The following HOMER1 variants were observed in gnomAD, a reference collection of about 807,000 sequenced individuals.
The protein encoded by HOMER1 is homer scaffold protein 1.
In HOMER1, 3 loss-of-function variants were observed where a neutral mutation model predicts 48.9. The ratio of observed to expected loss-of-function variants is 0.06; its 90% confidence interval spans 0.03 to 0.16. HOMER1 has a LOEUF of 0.16. Among genes scored for constraint, HOMER1 ranks in the 10% least tolerant of loss-of-function variants. HOMER1 has a pLI of 1.00. For missense variants in HOMER1, 247 were observed against 411.4 expected (o/e 0.60, Z 3.46); for synonymous variants, 134 against 146.4 (o/e 0.92, Z 0.61).
chr5:79,433,041 T>C (rs1409621398), intron 5 of HOMER1, among the ~76,000 whole-genome samples: 1 of 152,212 alleles, frequency 6.6e-6, no homozygotes, highest in Non-Finnish European at 1.5e-5. Flanking sequence ...AAGTCACTTC[T>C]TGTGAAACCA....
At chr5:79,510,969 T>C in intron 1 of HOMER1, 1 of 483,914 alleles carries the variant, frequency 2.1e-6, no homozygotes. Context: ...CATGGGGCTG[T>C]GGGGCTGGGG....
rs1349939941 is a variant in HOMER1, at chr5:79,514,068, T to C, written c.-1294A>G. On this transcript the variant is annotated 5_prime_UTR_variant, in exon 1 of 9. Coordinates refer to ENST00000334082, the MANE Select transcript of HOMER1 (RefSeq NM_004272.5). ...CCTCCGCCTCCGCCGGCCGGCCGGC[T>C]GGCAGAGAAGAGGGTGCTGCTTTCC... 6.6e-6 allele frequency: 1 copy of C among 151,908 alleles called. No individual in the cohort carries two copies. Among genetic ancestry groups the C allele is most frequent in the Non-Finnish European group, 1.5e-5 (1 of 67,914 alleles). The allele number at this position is 151,908 out of a possible 1,614,324, so 9.4% of individuals were successfully genotyped here. A position where few individuals can be genotyped will look rare whatever the true frequency, so the allele number is the denominator to read the frequency against.
At chr5:79,421,748 G>C (rs1750106244) in intron 5 of HOMER1, among the ~76,000 whole-genome samples, 2 of 151,936 alleles carry the variant, frequency 1.3e-5, no homozygotes, top group South Asian at 2.1e-4. Context: ...GGGATTACAG[G>C]CACCCGCCAC....
At chr5:79,440,569 A>G (rs1750711343) in intron 4 of HOMER1, among the ~76,000 whole-genome samples, 1 of 152,210 alleles carries the variant, frequency 6.6e-6, no homozygotes, top group African/African-American at 2.4e-5. Flanking sequence ...CACGAATAAA[A>G]TCTACAGTAT....
intron 1 of HOMER1, among the ~76,000 whole-genome samples, chr5:79,503,534 GAAAAAAAAA>G (rs751672080): frequency 1.2e-4 from 2 of 17,330 alleles, no homozygotes; most frequent in African/African-American, 9.5e-4. Flanking sequence ...GTCACAAAGA[GAAAAAAAAA>G]AAAAAAAAAA....
chr5:79,464,433 T>C (rs1267839471), intron 1 of HOMER1, among the ~76,000 whole-genome samples: 2 of 152,192 alleles, frequency 1.3e-5, no homozygotes, highest in Admixed American at 6.5e-5. Flanking sequence ...AAAATGAGAA[T>C]GACAAGGATA....
chr5:79,512,642 C>CT, intron 1 of HOMER1, 128 bp downstream of exon 1: 3 of 858,882 alleles, frequency 3.5e-6, no homozygotes, highest in Non-Finnish European at 5.6e-6. Context: ...ATGCCTATTT[C>CT]TTTAAAGTAT....
intron 1 of HOMER1, among the ~76,000 whole-genome samples, chr5:79,487,574 A>G (rs1473818680): frequency 6.6e-6 from 1 of 152,212 alleles, no homozygotes; most frequent in Non-Finnish European, 1.5e-5. Context: ...AAAGATTGTG[A>G]AAAATTCTAC....
At chr5:79,429,806 G>A (rs983397157) in intron 5 of HOMER1, among the ~76,000 whole-genome samples, 2 of 152,126 alleles carry the variant, frequency 1.3e-5, no homozygotes, top group Admixed American at 1.3e-4. Flanking sequence ...GGTGGATCAC[G>A]AGGTCAGGAG....
At chr5:79,480,708 C>T (rs1751922066) in intron 1 of HOMER1, among the ~76,000 whole-genome samples, 1 of 152,156 alleles carries the variant, frequency 6.6e-6, no homozygotes, top group African/African-American at 2.4e-5. Context: ...AGAATTTTAA[C>T]TTTGCTCATG....
intron 6 of HOMER1, among the ~76,000 whole-genome samples, chr5:79,400,355 C>T (rs1246096274): frequency 5.4e-4 from 77 of 141,398 alleles, no homozygotes; most frequent in African/African-American, 1.9e-3. Context: ...CCTTTTCTTT[C>T]TTTTTTTTTT....
intron 8 of HOMER1, among the ~76,000 whole-genome samples, chr5:79,378,221 T>G: frequency 1.0e-5 from 1 of 97,484 alleles, no homozygotes; most frequent in East Asian, 3.0e-4. Context: ...AGACTCTGTC[T>G]CAAAAAAAAA....
At chr5:79,378,794 T>C (rs1010216110) in intron 8 of HOMER1, among the ~76,000 whole-genome samples, 2 of 151,814 alleles carry the variant, frequency 1.3e-5, no homozygotes, top group South Asian at 2.1e-4. Context: ...ATCAATGCAA[T>C]AGTCAAACAT....
intron 1 of HOMER1, among the ~76,000 whole-genome samples, chr5:79,470,619 A>G (rs1443945181): frequency 6.6e-6 from 1 of 152,126 alleles, no homozygotes; most frequent in African/African-American, 2.4e-5. Context: ...TAAAATTAAA[A>G]CCATGAGTTG....
At chr5:79,430,809 C>T (rs1024691716) in intron 5 of HOMER1, among the ~76,000 whole-genome samples, 3 of 150,520 alleles carry the variant, frequency 2.0e-5, no homozygotes, top group African/African-American at 4.9e-5. Flanking sequence ...TGGTGGCGCA[C>T]GCCTGTAGTC....
intron 1 of HOMER1, among the ~76,000 whole-genome samples, chr5:79,480,835 C>T (rs1024858753): frequency 6.6e-6 from 1 of 152,090 alleles, no homozygotes; most frequent in African/African-American, 2.4e-5. Context: ...GACACAATGG[C>T]AAGTAAAGCA....
rs73122379 is a variant in HOMER1 at position 79,466,747 on chromosome 5, C to T, written c.6-9729G>A. Among the ~76,000 whole-genome samples, 678 of 150,814 alleles carry T rather than the reference C, an allele frequency of 4.5e-3. 3 individuals carry two copies. The highest frequency in any genetic ancestry group is 0.016 in the African/African-American group (630 of 40,460). On this transcript the variant is annotated intron_variant, in intron 1 of 8. Transcript: ENST00000334082. ...ATTGCCAAATAGGTTAAACTCCTGG[C>T]GTTTTATTAAAAATCTAAGTGATTT...
intron 5 of HOMER1, among the ~76,000 whole-genome samples, chr5:79,423,194 A>G (rs568740534): frequency 1.3e-5 from 2 of 152,242 alleles, no homozygotes; most frequent in South Asian, 4.1e-4. Flanking sequence ...ATTGATCAAC[A>G]CTGTGTTTCA....
At chr5:79,470,676 A>G (rs569541912) in intron 1 of HOMER1, among the ~76,000 whole-genome samples, 73 of 152,292 alleles carry the variant, frequency 4.8e-4, no homozygotes, top group Non-Finnish European at 8.2e-4. Context: ...ACTAAATTCA[A>G]TGTTAGTCAT....
Sources: allele counts gnomAD v4.1 joint callset (sites outside exome capture counted in the v4.1 genomes callset), GRCh38; gene constraint gnomAD v4.1.1; transcripts MANE v1.5; gene names NCBI Gene and HGNC (gene_info 2026-07-23, HGNC 2026-07-21).